Variants in SLCO6A1 observed in about 807,000 individuals in gnomAD.
The protein encoded by SLCO6A1 is solute carrier organic anion transporter family member 6A1, also known as cancer/testis antigen 48.
A neutral mutation model predicts 72.7 loss-of-function variants in SLCO6A1; 65 were observed. That is an observed-to-expected ratio of 0.89 (90% confidence interval 0.73 to 1.10). The LOEUF (loss-of-function observed/expected upper bound fraction) is 1.10. Among genes scored for constraint, SLCO6A1 ranks in the 50% least tolerant of loss-of-function variants. The pLI is 0.00. For synonymous variants in SLCO6A1, 314 were observed against 298.2 expected (o/e 1.05, Z -0.55); for missense variants, 874 against 872.6 (o/e 1.00, Z -0.02).
chr5:102,491,202 G>A (rs1164565305), intron 1 of SLCO6A1, among the ~76,000 whole-genome samples: 1 of 152,184 alleles, frequency 6.6e-6, no homozygotes, highest in East Asian at 1.9e-4. Context: ...TAGACCCAGG[G>A]TGCTGATTGG....
chr5:102,382,820 C>A (rs116120178), intron 12 of SLCO6A1, among the ~76,000 whole-genome samples: 4,464 of 150,760 alleles, frequency 0.03, 209 homozygotes, highest in African/African-American at 0.1. Context: ...TTTTTAAATG[C>A]CGATTTTATC....
chr5:102,465,455 C>T (rs1474325686), intron 4 of SLCO6A1, among the ~76,000 whole-genome samples: 1 of 152,094 alleles, frequency 6.6e-6, no homozygotes, highest in African/African-American at 2.4e-5. Context: ...ACTTCCCATG[C>T]TTATTTCCCC....
chr5:102,448,889 G>A (rs1580446535), intron 6 of SLCO6A1, among the ~76,000 whole-genome samples: 1 of 152,106 alleles, frequency 6.6e-6, no homozygotes, highest in Non-Finnish European at 1.5e-5. Context: ...ATATTCATAT[G>A]TGTGGATTTG....
intron 9 of SLCO6A1, among the ~76,000 whole-genome samples, chr5:102,405,398 T>TA (rs906333582): frequency 1.4e-4 from 21 of 146,478 alleles, no homozygotes; most frequent in East Asian, 5.9e-4. Context: ...AAGCAAAATT[T>TA]AAAAAAAAAA....
intron 7 of SLCO6A1, among the ~76,000 whole-genome samples, chr5:102,423,583 T>C (rs1052473536): frequency 1.3e-5 from 2 of 152,200 alleles, no homozygotes; most frequent in African/African-American, 4.8e-5. Context: ...CTATCTTAAA[T>C]ATATATGCAC....
At chr5:102,441,867 T>C (rs955943641) in intron 6 of SLCO6A1, among the ~76,000 whole-genome samples, 2 of 151,816 alleles carry the variant, frequency 1.3e-5, no homozygotes, top group African/African-American at 2.4e-5. Flanking sequence ...ATTTATTCTA[T>C]AGTTTTTTTA....
chr5:102,386,447 T>C (rs28786103), intron 12 of SLCO6A1, among the ~76,000 whole-genome samples: 28,552 of 152,026 alleles, frequency 0.19, 3,566 homozygotes, highest in Non-Finnish European at 0.24. Flanking sequence ...CAGGACTGCA[T>C]TGGGGTCTAC....
At chr5:102,481,665 CT>C (rs1294872698) in intron 1 of SLCO6A1, among the ~76,000 whole-genome samples, 1 of 152,138 alleles carries the variant, frequency 6.6e-6, no homozygotes, top group Admixed American at 6.5e-5. Context: ...CATATTTAAA[CT>C]TTCATATCAA....
intron 11 of SLCO6A1, among the ~76,000 whole-genome samples, chr5:102,389,577 C>G (rs952670937): frequency 2.0e-5 from 3 of 151,614 alleles, no homozygotes; most frequent in Non-Finnish European, 4.4e-5. Flanking sequence ...ACTCTTGATT[C>G]TTGCCAATGT....
At chr5:102,461,125 AC>A (rs546116968) in intron 4 of SLCO6A1, among the ~76,000 whole-genome samples, 287 of 151,612 alleles carry the variant, frequency 1.9e-3, no homozygotes, top group African/African-American at 6.5e-3. Flanking sequence ...ATAATTGTGT[AC>A]CCGGAAGAGG....
intron 1 of SLCO6A1, among the ~76,000 whole-genome samples, chr5:102,489,818 A>G (rs1487784795): frequency 6.6e-6 from 1 of 152,218 alleles, no homozygotes; most frequent in Non-Finnish European, 1.5e-5. Context: ...AGCAATATTC[A>G]TAATAGTTAA....
intron 6 of SLCO6A1, among the ~76,000 whole-genome samples, chr5:102,440,185 G>T (rs1046036760): frequency 6.6e-6 from 1 of 152,092 alleles, no homozygotes; most frequent in Non-Finnish European, 1.5e-5. Flanking sequence ...GCCTTCAGAT[G>T]GTTCCATTCT....
chr5:102,486,267 C>G, intron 1 of SLCO6A1, among the ~76,000 whole-genome samples: 1 of 152,094 alleles, frequency 6.6e-6, no homozygotes, highest in East Asian at 1.9e-4. Flanking sequence ...TAAAATAAAT[C>G]TTGTATGCTA....
At chr5:102,470,313 A>G (rs998096903) in intron 4 of SLCO6A1, among the ~76,000 whole-genome samples, 1 of 152,102 alleles carries the variant, frequency 6.6e-6, no homozygotes, top group African/African-American at 2.4e-5. Flanking sequence ...TTGGTAGGCT[A>G]TTAATTATTG....
chr5:102,439,554 G>A (rs1313783222), intron 6 of SLCO6A1, among the ~76,000 whole-genome samples: 1 of 152,022 alleles, frequency 6.6e-6, no homozygotes, highest in Non-Finnish European at 1.5e-5. Context: ...CAAATTCTCA[G>A]TGCTATCTGA....
intron 4 of SLCO6A1, among the ~76,000 whole-genome samples, chr5:102,466,988 T>C (rs1290922983): frequency 6.6e-6 from 1 of 152,228 alleles, no homozygotes; most frequent in Non-Finnish European, 1.5e-5. Flanking sequence ...CTGTTGATAG[T>C]TTCTTTGGCT....
intron 6 of SLCO6A1, among the ~76,000 whole-genome samples, chr5:102,446,071 T>G (rs112418548): frequency 0.054 from 8,261 of 152,204 alleles, 742 homozygotes; most frequent in African/African-American, 0.19. Context: ...ATGTTCCAAA[T>G]GAATTCTAGA....
At position 102,391,011 on chromosome 5, in the gene SLCO6A1, C is replaced by A; in HGVS notation, c.1849G>T (p.Gly617Cys). 1 of 1,613,440 alleles carries A rather than the reference C, an allele frequency of 6.2e-7. No homozygotes were observed. Among genetic ancestry groups the A allele is most frequent in the Non-Finnish European group, 8.5e-7 (1 of 1,179,636 alleles). Residue 617 changes from glycine to cysteine, a missense_variant, in exon 11 of 14, where the codon GGT (glycine) becomes TGT (cysteine). By Grantham distance (159) the Gly-to-Cys change is radical. Transcript: ENST00000506729. The part of the protein sequence containing the change: ...VPDKLRSLAL[G>C]VSYVILRIFG... ...ATTCTCAAAATCACATAGCTTACACCCAAGGCCAGAGAACGCAGTTTGTCA... is the reference window on the plus strand; with the variant it reads ...ATTCTCAAAATCACATAGCTTACACACAAGGCCAGAGAACGCAGTTTGTCA...
chr5:102,497,960 C>T (rs1752981224), intron 1 of SLCO6A1, among the ~76,000 whole-genome samples: 1 of 152,096 alleles, frequency 6.6e-6, no homozygotes, highest in Non-Finnish European at 1.5e-5. Context: ...AGATATTTTG[C>T]AGACCCTTCA....
Sources: allele counts gnomAD v4.1 joint callset (sites outside exome capture counted in the v4.1 genomes callset), GRCh38; gene constraint gnomAD v4.1.1; transcripts MANE v1.5; gene names NCBI Gene and HGNC (gene_info 2026-07-23, HGNC 2026-07-21).